The following DSC3 variants were observed in gnomAD, a reference collection of about 807,000 sequenced individuals.
DSC3 encodes the protein desmocollin-3.
In DSC3, 97 loss-of-function variants were observed where a neutral mutation model predicts 89.5. The observed-to-expected ratio is 1.08, with a 90% CI of 0.92 to 1.28. DSC3 has a LOEUF of 1.28. DSC3 is among the 50% of genes most tolerant of loss of function. The pLI is 0.00. For synonymous variants in DSC3, 436 were observed against 384.1 expected, an observed-to-expected ratio of 1.14 and a Z score of -1.58; for missense variants, 1,199 against 1,085.3, an observed-to-expected ratio of 1.10 and a Z score of -1.47.
intron 12 of DSC3, among the ~76,000 whole-genome samples, chr18:31,006,427 G>A (rs910308726): frequency 7.2e-5 from 11 of 152,138 alleles, no homozygotes; most frequent in South Asian, 6.2e-4. Context: ...AGCCTCCCCA[G>A]TAGCTTGGAT....
At position 31,027,304 on chromosome 18, in the gene DSC3, T is replaced by G. The variant is rs75675074; in HGVS notation, c.475-1389A>C. Reference sequence around the variant, plus strand: ...ACGGTCAGACGTGCTTGAACAAGATTGGAATGCCAAAAGTGAGGTAGGCAG... The same window carrying G: ...ACGGTCAGACGTGCTTGAACAAGATGGGAATGCCAAAAGTGAGGTAGGCAG... On this transcript the variant is annotated intron_variant, in intron 4 of 15. Coordinates refer to ENST00000360428, the MANE Select transcript of DSC3 (RefSeq NM_001941.5). 9.1e-3 allele frequency among the ~76,000 whole-genome samples: 1,386 copies of G among 152,212 alleles called. 24 individuals are homozygous for G. Among genetic ancestry groups the G allele is most frequent in the African/African-American group, 0.032 (1,328 of 41,546 alleles).
chr18:31,042,540 G>T, intron 1 of DSC3, 52 bp downstream of exon 1: 4 of 1,518,066 alleles, frequency 2.6e-6, no homozygotes, highest in Non-Finnish European at 3.6e-6. Flanking sequence ...AGCGTCCAGG[G>T]CGGATCCACC....
Position 30,999,876 on chromosome 18 carries a change from T to C in DSC3, c.2235+1742A>G, listed in dbSNP as rs118155945. Among the ~76,000 whole-genome samples, 1,165 of 152,288 alleles carry C rather than the reference T, an allele frequency of 7.6e-3. 4 individuals are homozygous for C. The highest frequency in any genetic ancestry group is 0.013 in the Non-Finnish European group (867 of 68,012). On this transcript the variant is annotated intron_variant, in intron 14 of 15. Transcript: ENST00000360428. ...TAAATTAATAATTCCAAGCCCCTTT[T>C]AGAAGTGTTCCTAACACAGAACAGG...
Position 31,022,365 on chromosome 18 carries a change from T to C in DSC3, c.913A>G (p.Thr305Ala), listed in dbSNP as rs773459418. 1.9e-6 allele frequency: 3 copies of C among 1,613,970 alleles called. No individual in the cohort carries two copies. Among genetic ancestry groups the C allele is most frequent in the Non-Finnish European group, 2.5e-6 (3 of 1,179,932 alleles). ...CTGTCCAAATAATGAGAGACTGTGG[T>C]GATTACGCCTGTGCTGGGATGCACA... The part of the protein sequence containing the change: ...FSVHPSTGVI[T>A]TVSHYLDREV... The change falls in exon 7 of 16, where the codon ACC becomes GCC. Residue 305 changes from threonine (T) to alanine (A), a missense_variant. Physicochemically the swap from Thr to Ala is moderately conservative, Grantham distance 58 (BLOSUM62 0). Coordinates refer to ENST00000360428, the MANE Select transcript of DSC3 (RefSeq NM_001941.5).
intron 14 of DSC3, among the ~76,000 whole-genome samples, chr18:31,001,146 C>T (rs1984646325): frequency 7.2e-6 from 1 of 139,816 alleles, no homozygotes; most frequent in Non-Finnish European, 1.5e-5. Context: ...AAAAGCACCT[C>T]AGAAGTCCTA....
rs117997895 is a variant in DSC3 at position 31,039,277 on chromosome 18, G to A, written c.69+3315C>T. Among the ~76,000 whole-genome samples the A allele has an allele frequency of 5.9e-5, 9 of 152,176 alleles. No homozygotes were observed. In the East Asian group the frequency reaches 1.7e-3, roughly 29 times the overall value. On this transcript the variant is annotated intron_variant, in intron 1 of 15. Transcript: ENST00000360428. The stretch of plus-strand genomic sequence containing the variant: ...TGATGGAAAAATTTAATGCCAAAGA[G>A]AGAACGAAAATTAAAGGTGTTATCT...
At chr18:31,028,476 AT>A (rs1021411971) in intron 4 of DSC3, among the ~76,000 whole-genome samples, 4 of 152,172 alleles carry the variant, frequency 2.6e-5, no homozygotes, top group Admixed American at 6.5e-5. Context: ...AATATGCTTC[AT>A]CAGTGTTCAA....
chr18:31,005,828 C>T (rs1032717688), intron 12 of DSC3, among the ~76,000 whole-genome samples: 1 of 152,070 alleles, frequency 6.6e-6, no homozygotes, highest in Non-Finnish European at 1.5e-5. Context: ...CCACTCCTTC[C>T]AATTCAAGAC....
At chr18:31,027,088 A>T (rs75181304) in intron 4 of DSC3, among the ~76,000 whole-genome samples, 3 of 152,298 alleles carry the variant, frequency 2.0e-5, no homozygotes, top group East Asian at 3.9e-4. Flanking sequence ...AATGTATAAT[A>T]ATACAGAAAT....
chr18:31,003,163 C>T (rs1464218148), intron 13 of DSC3, among the ~76,000 whole-genome samples: 1 of 152,160 alleles, frequency 6.6e-6, no homozygotes. Context: ...CTTCTCAGAC[C>T]TAACTCTCTA....
chr18:30,994,541 C>T (rs1175184724), intron 15 of DSC3, 169 bp from the exon 16 acceptor site: 2 of 1,469,924 alleles, frequency 1.4e-6, no homozygotes, highest in South Asian at 1.2e-5. Flanking sequence ...CACAACCATA[C>T]CATAAAGTCA....
Position 31,037,045 on chromosome 18 carries a change from C to A in DSC3, c.70-4769G>T, listed in dbSNP as rs184519874. 1.8e-4 allele frequency among the ~76,000 whole-genome samples: 27 copies of A among 152,212 alleles called. No individual in the cohort carries two copies. The East Asian group carries it at 4.8e-3, about 27-fold the overall frequency. On this transcript the variant is annotated intron_variant, in intron 1 of 15. Coordinates refer to ENST00000360428, the MANE Select transcript of DSC3 (RefSeq NM_001941.5). The stretch of plus-strand genomic sequence containing the variant: ...TGACCTCGTGATCTGTCTGCCTCAG[C>A]CTCCCAAAGTGCTGGGATTACAGGC...
At position 31,037,452 on chromosome 18, in the gene DSC3, C is replaced by T. The variant is rs74798220; in HGVS notation, c.69+5140G>A. Among the ~76,000 whole-genome samples, 745 of 152,252 alleles carry T rather than the reference C, an allele frequency of 4.9e-3. 8 individuals are homozygous for T. The highest frequency in any genetic ancestry group is 0.017 in the African/African-American group (702 of 41,554). ...GCTTGTTAGGACCTCTTCTGGAATG[C>T]TGAACAGAAACACCTGTACTGACCA... is the stretch of plus-strand genomic sequence containing the variant. On this transcript the variant is annotated intron_variant, in intron 1 of 15. Transcript: ENST00000360428.
At chr18:31,011,628 A>C (rs1213530871) in intron 9 of DSC3, among the ~76,000 whole-genome samples, 3 of 152,174 alleles carry the variant, frequency 2.0e-5, no homozygotes, top group African/African-American at 7.2e-5. Context: ...CATGACAGAA[A>C]CATGGATTTT....
intron 4 of DSC3, among the ~76,000 whole-genome samples, chr18:31,028,895 T>A (rs1218793506): frequency 1.3e-5 from 2 of 152,054 alleles, no homozygotes; most frequent in Non-Finnish European, 2.9e-5. Context: ...CCTGCTCCAT[T>A]CCATCAAACC....
chr18:31,027,132 G>C (rs1192566272), intron 4 of DSC3, among the ~76,000 whole-genome samples: 1 of 152,030 alleles, frequency 6.6e-6, no homozygotes, highest in Non-Finnish European at 1.5e-5. Flanking sequence ...TAGACATATA[G>C]GCTAAATTGA....
At chr18:31,036,599 C>A (rs977184012) in intron 1 of DSC3, among the ~76,000 whole-genome samples, 1 of 151,674 alleles carries the variant, frequency 6.6e-6, no homozygotes, top group African/African-American at 2.4e-5. Context: ...TCTTTTTAGA[C>A]TTTGACTCTC....
rs1567949865 is a variant in DSC3, at chr18:31,001,754, A to G, written c.2114-15T>C. On this transcript the variant is annotated splice_polypyrimidine_tract_variant and intron_variant, in intron 13 of 15. Coordinates refer to ENST00000360428, the MANE Select transcript of DSC3 (RefSeq NM_001941.5). ...TAGCAATACAGCTGAATTTAAAAAT[A>G]AAAATAAAATAACTTACTTTAGCAT... 1 of 1,572,794 alleles carries G rather than the reference A, an allele frequency of 6.4e-7. No individual in the cohort carries two copies. The highest frequency in any genetic ancestry group is 1.2e-5 in the South Asian group (1 of 83,644).
At position 30,993,708 on chromosome 18, in the gene DSC3, C is replaced by A. The variant is rs1984352509; in HGVS notation, c.*467G>T. On this transcript the variant is annotated 3_prime_UTR_variant, in exon 16 of 16. Coordinates refer to ENST00000360428, the MANE Select transcript of DSC3 (RefSeq NM_001941.5). ...TTTGGTAGTGCAGTAGGGGTGAGTC[C>A]CAATTCTTTATGAGCTGCAACATTT... is the stretch of plus-strand genomic sequence containing the variant. The A allele has an allele frequency of 6.0e-6, 1 of 167,086 alleles. No individual in the cohort carries two copies. The highest frequency in any genetic ancestry group is 1.3e-5 in the Non-Finnish European group (1 of 77,322). The allele number at this position is 167,086 out of a possible 1,614,324, so 10.4% of individuals were successfully genotyped here.
Sources: allele counts gnomAD v4.1 joint callset (sites outside exome capture counted in the v4.1 genomes callset), GRCh38; gene constraint gnomAD v4.1.1; transcripts MANE v1.5; gene names NCBI Gene and HGNC (gene_info 2026-07-23, HGNC 2026-07-21).